CCDC60: variants seen among roughly 807,000 people sequenced by gnomAD.
CCDC60 encodes coiled-coil domain containing 60, also known as coiled-coil domain-containing protein 60.
In CCDC60, 54 loss-of-function variants were observed where a neutral mutation model predicts 63.5. The observed-to-expected ratio is 0.85, with a 90% confidence interval of 0.68 to 1.07. CCDC60 has a LOEUF of 1.07. Ranked by LOEUF, CCDC60 falls within the 50% of genes least tolerant of loss-of-function variation. CCDC60 has a pLI of 0.00. For missense variants in CCDC60, 651 were observed against 684.3 expected (o/e 0.95, Z 0.54); for synonymous variants, 206 against 238.8 (o/e 0.86, Z 1.27).
chr12:119,528,635 T>A lies in CCDC60; in HGVS notation c.1250T>A (p.Ile417Asn), dbSNP rs1251742340. The change falls in exon 12 of 14, where the codon ATC (isoleucine) becomes AAC (asparagine). Residue 417 changes from isoleucine (I) to asparagine (N), a missense_variant. By Grantham distance (149) the Ile-to-Asn change is moderately radical. Coordinates refer to ENST00000327554, the MANE Select transcript of CCDC60 (RefSeq NM_178499.5). Reference sequence around the variant, plus strand: ...TGTAGGCGCCAAGAAGAGAGAGGTATCCAGAAGTTCCGTGCTTTTGTCCTT... The same window carrying A: ...TGTAGGCGCCAAGAAGAGAGAGGTAACCAGAAGTTCCGTGCTTTTGTCCTT... ...ILMKRQEERG[I>N]QKFRAFVLVS... The A allele has an allele frequency of 5.0e-6, 8 of 1,613,930 alleles. No individual in the cohort carries two copies. Among genetic ancestry groups the A allele is most frequent in the Non-Finnish European group, 6.8e-6 (8 of 1,179,890 alleles).
At chr12:119,406,496 G>T (rs780181599) in intron 1 of CCDC60, among the ~76,000 whole-genome samples, 11 of 151,982 alleles carry the variant, frequency 7.2e-5, no homozygotes, top group Non-Finnish European at 1.0e-4. Context: ...TCTTTGTTTG[G>T]CATTGTGCCT....
Position 119,374,192 on chromosome 12 carries a change from T to G in CCDC60, c.90+38926T>G, listed in dbSNP as rs1051416355. Among the ~76,000 whole-genome samples the G allele has an allele frequency of 2.0e-5, 3 of 152,308 alleles. 1 individual carries two copies. The East Asian group carries it at 5.8e-4, about 29-fold the overall frequency. ...GGCTGTTAGACTTTCATCTAGAGACTTAAGATCTGAGGGCCTTCTCGTCCT... is the reference window on the plus strand; with the variant it reads ...GGCTGTTAGACTTTCATCTAGAGACGTAAGATCTGAGGGCCTTCTCGTCCT... On this transcript the variant is annotated intron_variant, in intron 1 of 13. Transcript: ENST00000327554.
At chr12:119,470,362 C>T (rs954225473) in intron 2 of CCDC60, among the ~76,000 whole-genome samples, 1 of 152,136 alleles carries the variant, frequency 6.6e-6, no homozygotes, top group African/African-American at 2.4e-5. Context: ...TTTGTGCAGC[C>T]CCAGTCCCCT....
At chr12:119,488,647 T>C in intron 4 of CCDC60, 112 bp from the exon 5 acceptor site, 3 of 829,734 alleles carry the variant, frequency 3.6e-6, no homozygotes, top group South Asian at 1.5e-5. Context: ...GCCTGGAGCA[T>C]GGTGCCTGCT....
At chr12:119,519,940 G>T (rs543365897) in intron 8 of CCDC60, among the ~76,000 whole-genome samples, 181 bp from the exon 9 acceptor site, 1 of 151,898 alleles carries the variant, frequency 6.6e-6, no homozygotes, top group South Asian at 2.1e-4. Context: ...ATGTATTCAA[G>T]TCCCAGGAAA....
chr12:119,459,640 A>G (rs1188715386), intron 2 of CCDC60, among the ~76,000 whole-genome samples: 1 of 152,210 alleles, frequency 6.6e-6, no homozygotes, highest in East Asian at 1.9e-4. Flanking sequence ...CAGGTGTTCA[A>G]GGTATTTTAC....
At chr12:119,407,936 G>T (rs1956524115) in intron 1 of CCDC60, among the ~76,000 whole-genome samples, 1 of 152,168 alleles carries the variant, frequency 6.6e-6, no homozygotes. Flanking sequence ...ACCAAGTCAT[G>T]CCCAGGCCGT....
At chr12:119,534,265 T>A (rs1262066394) in intron 13 of CCDC60, among the ~76,000 whole-genome samples, 1 of 152,222 alleles carries the variant, frequency 6.6e-6, no homozygotes, top group Non-Finnish European at 1.5e-5. Flanking sequence ...ACATTGATTT[T>A]GTATCTTGAG....
At chr12:119,482,083 C>CATAT (rs143208719) in intron 4 of CCDC60, among the ~76,000 whole-genome samples, 91 of 137,012 alleles carry the variant, frequency 6.6e-4, no homozygotes, top group African/African-American at 1.4e-3. Flanking sequence ...ACTACTCATC[C>CATAT]ATATATATAT....
intron 1 of CCDC60, among the ~76,000 whole-genome samples, chr12:119,370,757 G>A (rs1158914699): frequency 6.6e-6 from 1 of 152,220 alleles, no homozygotes; most frequent in African/African-American, 2.4e-5. Context: ...GGCAGGCATA[G>A]TGGCTCATGC....
At chr12:119,413,003 A>G (rs1020490087) in intron 1 of CCDC60, among the ~76,000 whole-genome samples, 6 of 152,054 alleles carry the variant, frequency 3.9e-5, no homozygotes, top group Admixed American at 1.3e-4. Context: ...AAGGTTCACG[A>G]TACAGAATAG....
At chr12:119,493,456 G>A (rs971530521) in intron 5 of CCDC60, among the ~76,000 whole-genome samples, 4 of 152,052 alleles carry the variant, frequency 2.6e-5, no homozygotes, top group African/African-American at 9.7e-5. Context: ...GGATGGATTG[G>A]TGGATGTTTG....
At chr12:119,416,389 T>C (rs575198345) in intron 1 of CCDC60, among the ~76,000 whole-genome samples, 1 of 151,904 alleles carries the variant, frequency 6.6e-6, no homozygotes, top group African/African-American at 2.4e-5. Flanking sequence ...CAAATAATAA[T>C]GATAATAATA....
intron 13 of CCDC60, among the ~76,000 whole-genome samples, chr12:119,537,715 C>A (rs569308685): frequency 1.3e-5 from 2 of 151,818 alleles, no homozygotes; most frequent in East Asian, 3.9e-4. Flanking sequence ...CCACTCCAGA[C>A]CCTGTTTGCC....
intron 2 of CCDC60, among the ~76,000 whole-genome samples, chr12:119,470,859 C>T (rs1319618586): frequency 6.6e-6 from 1 of 152,122 alleles, no homozygotes; most frequent in Non-Finnish European, 1.5e-5. Flanking sequence ...CCTACTGAAC[C>T]ATGAACCCTG....
chr12:119,336,744 T>C (rs1565960653), intron 1 of CCDC60, among the ~76,000 whole-genome samples: 1 of 152,186 alleles, frequency 6.6e-6, no homozygotes, highest in Non-Finnish European at 1.5e-5. Context: ...GCTATGAAAA[T>C]TGTCCACTGT....
At chr12:119,339,818 C>T (rs183790848) in intron 1 of CCDC60, among the ~76,000 whole-genome samples, 2 of 152,154 alleles carry the variant, frequency 1.3e-5, no homozygotes, top group Admixed American at 6.6e-5. Context: ...AATAAATCAA[C>T]CAACCAATAA....
chr12:119,458,832 C>T (rs535416340), intron 2 of CCDC60, among the ~76,000 whole-genome samples: 145 of 152,208 alleles, frequency 9.5e-4, no homozygotes, highest in Non-Finnish European at 1.2e-3. Flanking sequence ...CAGTAACCTC[C>T]ACCTCCTGGG....
intron 1 of CCDC60, among the ~76,000 whole-genome samples, chr12:119,413,336 C>G (rs1279092286): frequency 6.6e-6 from 1 of 152,174 alleles, no homozygotes; most frequent in African/African-American, 2.4e-5. Context: ...GAAACCAGGA[C>G]TTGATTGAAA....
Sources: allele counts gnomAD v4.1 joint callset (sites outside exome capture counted in the v4.1 genomes callset), GRCh38; gene constraint gnomAD v4.1.1; transcripts MANE v1.5; gene names NCBI Gene and HGNC (gene_info 2026-07-23, HGNC 2026-07-21).